RFTN2: variants seen among roughly 807,000 people sequenced by gnomAD.
RFTN2 encodes raftlin family member 2, also known as raftlin-2.
RFTN2 carries 34 observed loss-of-function variants against 52.7 expected under a neutral mutation model. That is an observed-to-expected ratio of 0.64 (90% CI 0.49 to 0.86). The LOEUF (loss-of-function observed/expected upper bound fraction) is 0.86, where lower values mean the gene tolerates loss of function less well. RFTN2 is among the 40% of genes least tolerant of loss of function. RFTN2 has a pLI of 0.00. For synonymous variants in RFTN2, 203 were observed against 217.7 expected (o/e 0.93, Z 0.59); for missense variants, 536 against 600.1 (o/e 0.89, Z 1.12).
intron 3 of RFTN2, among the ~76,000 whole-genome samples, chr2:197,641,943 T>C (rs936241771): frequency 3.3e-5 from 5 of 152,206 alleles, no homozygotes; most frequent in African/African-American, 1.2e-4. Flanking sequence ...GGAAGTCAAA[T>C]GCAAAACAAG....
At chr2:197,635,455 T>A (rs1310616507) in intron 3 of RFTN2, among the ~76,000 whole-genome samples, 3 of 152,220 alleles carry the variant, frequency 2.0e-5, no homozygotes, top group Non-Finnish European at 4.4e-5. Context: ...GGTATCTCAT[T>A]GTGGTTTTGA....
intron 8 of RFTN2, among the ~76,000 whole-genome samples, chr2:197,592,202 AT>A (rs923312117): frequency 7.3e-5 from 11 of 150,806 alleles, no homozygotes; most frequent in Non-Finnish European, 1.3e-4. Context: ...CAAGAGAAAA[AT>A]TTTTTTTTTG....
intron 8 of RFTN2, among the ~76,000 whole-genome samples, chr2:197,585,067 T>C (rs760977525): frequency 1.3e-5 from 2 of 152,178 alleles, no homozygotes; most frequent in Non-Finnish European, 2.9e-5. Context: ...TAAGGCTGTG[T>C]CCGTTGGACA....
chr2:197,599,843 G>A (rs1011366621), intron 7 of RFTN2, among the ~76,000 whole-genome samples: 1 of 152,048 alleles, frequency 6.6e-6, no homozygotes, highest in Non-Finnish European at 1.5e-5. Flanking sequence ...TTTTAAGCAC[G>A]AGCTTGATTT....
intron 8 of RFTN2, among the ~76,000 whole-genome samples, chr2:197,583,198 A>T (rs1157620102): frequency 6.6e-6 from 1 of 152,124 alleles, no homozygotes; most frequent in African/African-American, 2.4e-5. Context: ...CCCCTCAGGG[A>T]TTGTTCAGGC....
intron 4 of RFTN2, among the ~76,000 whole-genome samples, chr2:197,632,098 G>T (rs1207940891): frequency 6.6e-6 from 1 of 152,198 alleles, no homozygotes; most frequent in African/African-American, 2.4e-5. Flanking sequence ...GAACTTAAAG[G>T]AATAGAAATA....
At chr2:197,581,061 T>C (rs2087500425) in intron 8 of RFTN2, among the ~76,000 whole-genome samples, 1 of 152,020 alleles carries the variant, frequency 6.6e-6, no homozygotes, top group Non-Finnish European at 1.5e-5. Context: ...CTTGTTACTA[T>C]CCCATTAAAA....
intron 8 of RFTN2, among the ~76,000 whole-genome samples, chr2:197,589,253 A>AAT (rs2087656944): frequency 2.3e-5 from 3 of 131,350 alleles, no homozygotes; most frequent in Non-Finnish European, 4.9e-5. Context: ...AAAAAAAAAA[A>AAT]GGAGTTCCCC....
At chr2:197,666,487 TTC>T (rs1428085733) in intron 1 of RFTN2, among the ~76,000 whole-genome samples, 1 of 152,234 alleles carries the variant, frequency 6.6e-6, no homozygotes, top group African/African-American at 2.4e-5. Flanking sequence ...CCTGTAAAGT[TTC>T]TGCTGAGAAA....
intron 1 of RFTN2, among the ~76,000 whole-genome samples, chr2:197,664,337 G>C (rs1005743622): frequency 6.6e-6 from 1 of 151,810 alleles, no homozygotes; most frequent in African/African-American, 2.4e-5. Flanking sequence ...TCAGCCAGAT[G>C]TGGTGGTGTG....
At chr2:197,606,923 G>A (rs1313078641) in intron 7 of RFTN2, among the ~76,000 whole-genome samples, 2 of 152,202 alleles carry the variant, frequency 1.3e-5, no homozygotes, top group East Asian at 1.9e-4. Flanking sequence ...TCAGTGTGGC[G>A]ATTCCTCAGG....
At position 197,571,522 on chromosome 2, in the gene RFTN2, T is replaced by C. The variant is rs115088347; in HGVS notation, c.*486A>G. 4.2e-3 allele frequency: 657 copies of C among 157,538 alleles called. 6 individuals are homozygous for C. The highest frequency in any genetic ancestry group is 0.015 in the African/African-American group (620 of 41,568). 9.8% of individuals were successfully genotyped at this position (157,538 alleles called of 1,614,324 possible). A position where few individuals can be genotyped will look rare whatever the true frequency, so the allele number is the denominator to read the frequency against. On this transcript the variant is annotated 3_prime_UTR_variant, in exon 9 of 9. Transcript: ENST00000295049. Reference sequence around the variant, plus strand: ...TTAAAGACAAAATGTGGATTAATTATTATATTTGGGAAATAGATATTTATT... The same window carrying C: ...TTAAAGACAAAATGTGGATTAATTACTATATTTGGGAAATAGATATTTATT...
chr2:197,629,330 C>G (rs1162017385), intron 5 of RFTN2, among the ~76,000 whole-genome samples: 1 of 152,050 alleles, frequency 6.6e-6, no homozygotes, highest in Non-Finnish European at 1.5e-5. Flanking sequence ...TCATTCTGAG[C>G]AAACTATCGC....
intron 7 of RFTN2, among the ~76,000 whole-genome samples, chr2:197,610,804 T>G (rs1174970270): frequency 6.6e-6 from 1 of 152,212 alleles, no homozygotes; most frequent in Admixed American, 6.5e-5. Context: ...CCTAGTTTAT[T>G]GAGAGTTTTT....
chr2:197,586,939 A>G (rs1302304490), intron 8 of RFTN2, among the ~76,000 whole-genome samples: 1 of 152,172 alleles, frequency 6.6e-6, no homozygotes, highest in East Asian at 1.9e-4. Context: ...TCAAGGATAG[A>G]GCACCAAAAC....
Position 197,646,469 on chromosome 2 carries a change from A to T in RFTN2, c.323+14T>A. 1 of 1,602,558 alleles carries T rather than the reference A, an allele frequency of 6.2e-7. No individual in the cohort carries two copies. Among genetic ancestry groups the T allele is most frequent in the Non-Finnish European group, 8.5e-7 (1 of 1,174,324 alleles). On this transcript the variant is annotated intron_variant, in intron 2 of 8. Coordinates refer to ENST00000295049, the MANE Select transcript of RFTN2 (RefSeq NM_144629.3). ...GTCACCCTCACCTGCCTCTTTCTTG[A>T]ATAGTGTGCTTACCTTAATTTCAAG...
At chr2:197,647,849 G>C (rs1467393631) in intron 1 of RFTN2, among the ~76,000 whole-genome samples, 1 of 152,174 alleles carries the variant, frequency 6.6e-6, no homozygotes, top group African/African-American at 2.4e-5. Context: ...AGCACTATCT[G>C]TACAGACTTT....
At chr2:197,599,341 C>G (rs1050197540) in intron 7 of RFTN2, among the ~76,000 whole-genome samples, 1 of 152,190 alleles carries the variant, frequency 6.6e-6, no homozygotes, top group African/African-American at 2.4e-5. Flanking sequence ...TTTTCACCAT[C>G]TTTAGTTTAC....
chr2:197,619,413 C>T (rs973223542), intron 5 of RFTN2, among the ~76,000 whole-genome samples: 13 of 152,216 alleles, frequency 8.5e-5, no homozygotes, highest in African/African-American at 2.7e-4. Context: ...AATTCTTCTG[C>T]CTTGGGATCC....
Sources: allele counts gnomAD v4.1 joint callset (sites outside exome capture counted in the v4.1 genomes callset), GRCh38; gene constraint gnomAD v4.1.1; transcripts MANE v1.5; gene names NCBI Gene and HGNC (gene_info 2026-07-23, HGNC 2026-07-21).